The following SIK2 variants were observed in gnomAD, a reference collection of about 807,000 sequenced individuals.
SIK2 encodes the protein salt inducible kinase 2.
Under a neutral mutation model 103.2 loss-of-function variants are expected in SIK2, and 29 were observed. The ratio of observed to expected loss-of-function variants is 0.28; its 90% CI spans 0.21 to 0.38. The LOEUF (loss-of-function observed/expected upper bound fraction) is 0.38, where lower values mean the gene tolerates loss of function less well. Among genes scored for constraint, SIK2 ranks in the 10% least tolerant of loss-of-function variants. The probability of loss-of-function intolerance (pLI) is 1.00; values close to 1 mark genes in which losing one functional copy is unlikely to be tolerated. For synonymous variants in SIK2, 412 were observed against 446.1 expected (o/e 0.92, Z 0.96); for missense variants, 879 against 1,171.0 (o/e 0.75, Z 3.64).
rs1312643780 is a variant in SIK2 at position 111,728,953 on chromosome 11, C to T, written c.*4824C>T. The T allele has an allele frequency of 1.3e-5, 2 of 152,152 alleles. No individual in the cohort carries two copies. Among genetic ancestry groups the T allele is most frequent in the Non-Finnish European group, 2.9e-5 (2 of 68,160 alleles). 9.4% of individuals were successfully genotyped at this position (152,152 alleles called of 1,614,324 possible). ...AAAAAAAAAAAGACAAGAGCAGTATCATCTGCCTCTGTTTCTAAACTGGAC... is the reference window on the plus strand; with the variant it reads ...AAAAAAAAAAAGACAAGAGCAGTATTATCTGCCTCTGTTTCTAAACTGGAC... On this transcript the variant is annotated 3_prime_UTR_variant, in exon 15 of 15. Transcript: ENST00000304987.
rs528518475 is a variant in SIK2 at position 111,705,774 on chromosome 11, T to C, written c.1101+635T>C. On this transcript the variant is annotated intron_variant, in intron 8 of 14. Coordinates refer to ENST00000304987, the MANE Select transcript of SIK2 (RefSeq NM_015191.3). The surrounding 1 kb of genome is among the most constrained non-coding windows in gnomAD (Gnocchi z 4.3). ...TACTGAAGGCTGCTAAGCTGAAAAA[T>C]GATAAAATTCTATCGATGCTTTAAG... Among the ~76,000 whole-genome samples, 2 of 152,196 alleles carry C rather than the reference T, an allele frequency of 1.3e-5. No homozygotes were observed. The highest frequency in any genetic ancestry group is 2.4e-5 in the African/African-American group (1 of 41,434).
At chr11:111,706,777 T>A (rs975337398) in intron 8 of SIK2, among the ~76,000 whole-genome samples, 1 of 151,846 alleles carries the variant, frequency 6.6e-6, no homozygotes, top group Admixed American at 6.6e-5. Flanking sequence ...CTGGCCAACA[T>A]GGTGAAACCC....
intron 3 of SIK2, chr11:111,671,679 C>G: frequency 2.6e-6 from 1 of 379,564 alleles, no homozygotes; most frequent in South Asian, 2.4e-5. Context: ...AGATCTGGGA[C>G]AGCAGCTCCT....
intron 3 of SIK2, among the ~76,000 whole-genome samples, chr11:111,632,447 T>C (rs1437071203): frequency 6.6e-6 from 1 of 152,092 alleles, no homozygotes; most frequent in Non-Finnish European, 1.5e-5. Context: ...TTAAAAATAA[T>C]AGCAAGAAAG....
intron 1 of SIK2, among the ~76,000 whole-genome samples, chr11:111,603,641 G>C (rs1284012424): frequency 6.6e-6 from 1 of 151,904 alleles, no homozygotes; most frequent in African/African-American, 2.4e-5. Context: ...CTCTCCTCAG[G>C]GTCTCTATTT....
At chr11:111,711,410 C>G (rs188626384) in intron 8 of SIK2, among the ~76,000 whole-genome samples, 1 of 152,104 alleles carries the variant, frequency 6.6e-6, no homozygotes, top group Non-Finnish European at 1.5e-5. Flanking sequence ...CATGAGCCAC[C>G]GCGCCTGGCC....
intron 3 of SIK2, among the ~76,000 whole-genome samples, chr11:111,680,070 C>T (rs1449917666): frequency 2.0e-5 from 3 of 150,554 alleles, no homozygotes; most frequent in Non-Finnish European, 3.0e-5. Context: ...TGCAGTGAGC[C>T]GAGATCACAC....
chr11:111,724,138 C>G lies in SIK2; in HGVS notation c.*9C>G. Reference sequence around the variant, plus strand: ...ATGTCCTGGTGAATTAGTCTCAGCACAGGAATTGAGGTGGGTCAGGTGAAG... The same window carrying G: ...ATGTCCTGGTGAATTAGTCTCAGCAGAGGAATTGAGGTGGGTCAGGTGAAG... On this transcript the variant is annotated 3_prime_UTR_variant, in exon 15 of 15. Coordinates refer to ENST00000304987, the MANE Select transcript of SIK2 (RefSeq NM_015191.3). 1 of 1,602,460 alleles carries G rather than the reference C, an allele frequency of 6.2e-7. No individual in the cohort carries two copies. The highest frequency in any genetic ancestry group is 8.5e-7 in the Non-Finnish European group (1 of 1,175,280).
At chr11:111,653,901 T>G (rs1057249154) in intron 3 of SIK2, among the ~76,000 whole-genome samples, 5 of 152,262 alleles carry the variant, frequency 3.3e-5, no homozygotes, top group Non-Finnish European at 5.9e-5. Context: ...CTATACAGTT[T>G]AAACACCTCT....
rs1263877459 is a variant in SIK2, at chr11:111,726,696, C to G, written c.*2567C>G. On this transcript the variant is annotated 3_prime_UTR_variant, in exon 15 of 15. Transcript: ENST00000304987. ...CCCATGGAAGCTTCCAAGCAGTTTT[C>G]TCTTCATCACTACTAACAAACAAAA... The G allele has an allele frequency of 4.3e-6, 2 of 467,822 alleles. No homozygotes were observed. Among genetic ancestry groups the G allele is most frequent in the African/African-American group, 3.9e-5 (2 of 51,622 alleles). 29.0% of individuals were successfully genotyped at this position (467,822 alleles called of 1,614,324 possible).
At position 111,727,261 on chromosome 11, in the gene SIK2, T is replaced by G; in HGVS notation, c.*3132T>G. 1.7e-6 allele frequency: 1 copy of G among 596,006 alleles called. No homozygotes were observed. The allele number at this position is 596,006 out of a possible 1,614,324, so 36.9% of individuals were successfully genotyped here. A position where few individuals can be genotyped will look rare whatever the true frequency, so the allele number is the denominator to read the frequency against. ...AGAGCATCAGGGCCCACCAGGGGAG[T>G]GGGGATGGGGCTCAGGGGCTGTTCA... On this transcript the variant is annotated 3_prime_UTR_variant, in exon 15 of 15. Coordinates refer to ENST00000304987, the MANE Select transcript of SIK2 (RefSeq NM_015191.3).
chr11:111,691,364 C>T (rs144763165), intron 4 of SIK2, among the ~76,000 whole-genome samples: 2 of 152,226 alleles, frequency 1.3e-5, no homozygotes, highest in African/African-American at 2.4e-5. Flanking sequence ...CTGCTAGATA[C>T]TTACTTCATC....
chr11:111,627,785 A>G (rs190733505), intron 3 of SIK2, among the ~76,000 whole-genome samples: 89 of 152,208 alleles, frequency 5.8e-4, no homozygotes, highest in Non-Finnish European at 1.3e-4. Context: ...TATGTTCCCA[A>G]TGTTTTTTTC....
At chr11:111,704,628 C>G (rs1425430140) in intron 7 of SIK2, among the ~76,000 whole-genome samples, 1 of 152,140 alleles carries the variant, frequency 6.6e-6, no homozygotes, top group Non-Finnish European at 1.5e-5. Context: ...GCTCAGGTTG[C>G]TAACTGACCT....
chr11:111,721,752 C>T, intron 12 of SIK2, 78 bp from the exon 13 acceptor site: 1 of 1,125,006 alleles, frequency 8.9e-7, no homozygotes. Flanking sequence ...TTGGACATTG[C>T]AAAGGTGCTT....
intron 3 of SIK2, among the ~76,000 whole-genome samples, chr11:111,628,459 G>A (rs1041150920): frequency 8.4e-5 from 3 of 35,836 alleles, no homozygotes; most frequent in Admixed American, 5.0e-4. Flanking sequence ...TCTTTTTTGA[G>A]ACAGGATCTC....
At chr11:111,645,775 A>C (rs1020409470) in intron 3 of SIK2, among the ~76,000 whole-genome samples, 2 of 151,820 alleles carry the variant, frequency 1.3e-5, no homozygotes, top group African/African-American at 4.8e-5. Context: ...AGATGATGCC[A>C]TTGCGCCCTA....
rs564757660 is a variant in SIK2 at position 111,607,445 on chromosome 11, C to T, written c.135+4747C>T. Among the ~76,000 whole-genome samples the T allele has an allele frequency of 2.6e-5, 4 of 152,190 alleles. No homozygotes were observed. The South Asian group carries it at 8.3e-4, about 32-fold the overall frequency. On this transcript the variant is annotated intron_variant, in intron 1 of 14. Coordinates refer to ENST00000304987, the MANE Select transcript of SIK2 (RefSeq NM_015191.3). ...ATATTACACCCTGATTATGATGTTT[C>T]TTGAAGAGAACTCATTTTAAAAATA... is the stretch of plus-strand genomic sequence containing the variant.
intron 3 of SIK2, among the ~76,000 whole-genome samples, chr11:111,625,678 A>G (rs1245975363): frequency 6.6e-6 from 1 of 152,242 alleles, no homozygotes; most frequent in African/African-American, 2.4e-5. Context: ...CAGTTTGGTA[A>G]GAGCAGTTTT....
Sources: gnomAD v4.1 joint callset for allele counts (sites outside exome capture counted in the v4.1 genomes callset) on GRCh38, gnomAD v4.1.1 for gene constraint, Gnocchi (gnomAD v3.1) non-coding constraint, MANE v1.5 for transcripts, NCBI Gene and HGNC (gene_info 2026-07-23, HGNC 2026-07-21) for gene names.